CALN1: variants seen among roughly 807,000 people sequenced by gnomAD.
CALN1 encodes the protein calneuron 1.
Under a neutral mutation model 30.6 loss-of-function variants are expected in CALN1, and 17 were observed. The ratio of observed to expected loss-of-function variants is 0.56; its 90% CI spans 0.38 to 0.83. The LOEUF is 0.83. Ranked by LOEUF, CALN1 falls within the 40% of genes least tolerant of loss-of-function variation. The pLI is 0.00. For missense variants in CALN1, 291 were observed against 354.9 expected (o/e 0.82, Z 1.45); for synonymous variants, 156 against 131.4 (o/e 1.19, Z -1.28).
chr7:72,147,718 A>T (rs1263080754), intron 3 of CALN1, among the ~76,000 whole-genome samples: 5 of 151,754 alleles, frequency 3.3e-5, no homozygotes, highest in African/African-American at 9.7e-5. Flanking sequence ...ACAATGATAG[A>T]CTGGATTAAG....
chr7:72,136,689 T>C (rs184823877), intron 3 of CALN1, among the ~76,000 whole-genome samples: 2 of 152,342 alleles, frequency 1.3e-5, no homozygotes, highest in South Asian at 2.1e-4. Flanking sequence ...TTTCCAGTTT[T>C]TGATTTAAAG....
chr7:72,264,725 T>C lies in CALN1; in HGVS notation c.244+13961A>G, dbSNP rs1190813542. Among the ~76,000 whole-genome samples, 8 of 152,164 alleles carry C rather than the reference T, an allele frequency of 5.3e-5. No individual in the cohort carries two copies. The East Asian group carries it at 1.3e-3, about 26-fold the overall frequency. On this transcript the variant is annotated intron_variant, in intron 3 of 6. Transcript: ENST00000395275. Reference sequence around the variant, plus strand: ...TTTAGGGGTACACGTGCAGATTTGTTCCATAGGTAAACTTGTGTCATAGGG... The same window carrying C: ...TTTAGGGGTACACGTGCAGATTTGTCCCATAGGTAAACTTGTGTCATAGGG...
intron 3 of CALN1, among the ~76,000 whole-genome samples, chr7:72,150,421 G>C (rs1395342156): frequency 6.6e-6 from 1 of 152,194 alleles, no homozygotes; most frequent in African/African-American, 2.4e-5. Flanking sequence ...TAAACAAGAA[G>C]AATGTTTCAG....
intron 5 of CALN1, among the ~76,000 whole-genome samples, chr7:72,005,973 C>T (rs1185003040): frequency 6.6e-6 from 1 of 152,106 alleles, no homozygotes; most frequent in Non-Finnish European, 1.5e-5. Context: ...ACTCCGAAGA[C>T]TATTAGCAGT....
chr7:72,470,992 G>C, the CALN1 span, among the ~76,000 whole-genome samples: 1 of 152,302 alleles, frequency 6.6e-6, no homozygotes, highest in Admixed American at 6.5e-5. Context: ...GTCTTGCTCT[G>C]TGGCCCAGGC....
At chr7:71,795,792 T>C (rs1786866201) in intron 6 of CALN1, among the ~76,000 whole-genome samples, 1 of 151,514 alleles carries the variant, frequency 6.6e-6, no homozygotes, top group African/African-American at 2.4e-5. Context: ...CAGCTGTATG[T>C]AGCATTTACC....
In CALN1 at chr7:72,204,589, T is replaced by C. The variant is rs78012863; in HGVS notation, c.244+74097A>G. Among the ~76,000 whole-genome samples, 1,056 of 152,286 alleles carry C rather than the reference T, an allele frequency of 6.9e-3. 14 individuals are homozygous for C. Among genetic ancestry groups the C allele is most frequent in the African/African-American group, 0.024 (1,001 of 41,552 alleles). On this transcript the variant is annotated intron_variant, in intron 3 of 6. Transcript: ENST00000395275. The stretch of plus-strand genomic sequence containing the variant: ...TAAAATTTCCTGAGATCAAATCACT[T>C]TTCCACCATTTATTAGTCATGCAAT...
chr7:71,811,088 G>C (rs1406900520), intron 5 of CALN1, among the ~76,000 whole-genome samples: 2 of 150,820 alleles, frequency 1.3e-5, no homozygotes, highest in African/African-American at 4.9e-5. Flanking sequence ...GTAGAGACGG[G>C]GTTTCACCGT....
At chr7:72,410,216 AAG>A (rs1208163773) in intron 1 of CALN1, among the ~76,000 whole-genome samples, 2 of 152,180 alleles carry the variant, frequency 1.3e-5, no homozygotes, top group African/African-American at 2.4e-5. Flanking sequence ...TTAAATATGT[AAG>A]AGAGGTTGTC....
At chr7:72,498,897 C>T in the CALN1 span, among the ~76,000 whole-genome samples, 1 of 151,372 alleles carries the variant, frequency 6.6e-6, no homozygotes, top group South Asian at 2.1e-4. Context: ...ACTTATTTTG[C>T]AAAATATCAA....
intron 2 of CALN1, among the ~76,000 whole-genome samples, chr7:72,340,874 GCT>G (rs767965662): frequency 6.6e-6 from 1 of 151,678 alleles, no homozygotes; most frequent in Non-Finnish European, 1.5e-5. Context: ...CTTTCACTTG[GCT>G]CTCTCTCTCT....
intron 4 of CALN1, among the ~76,000 whole-genome samples, chr7:72,048,397 G>A (rs976658105): frequency 8.6e-5 from 13 of 151,940 alleles, no homozygotes; most frequent in Non-Finnish European, 1.5e-4. Context: ...TATAAGGGCC[G>A]CCATGTGTGA....
intron 6 of CALN1, among the ~76,000 whole-genome samples, chr7:71,795,201 T>A (rs1002544831): frequency 6.6e-6 from 1 of 152,126 alleles, no homozygotes; most frequent in African/African-American, 2.4e-5. Flanking sequence ...TTTGTATTTT[T>A]AGTAGAGACG....
intron 3 of CALN1, among the ~76,000 whole-genome samples, chr7:72,117,412 G>A (rs1042640850): frequency 3.3e-5 from 5 of 152,126 alleles, no homozygotes; most frequent in Non-Finnish European, 7.4e-5. Flanking sequence ...GGTCAGGCTG[G>A]ATTTGGTATG....
intron 3 of CALN1, among the ~76,000 whole-genome samples, chr7:72,131,590 C>T (rs1186838782): frequency 2.0e-5 from 3 of 152,272 alleles, no homozygotes; most frequent in South Asian, 2.1e-4. Context: ...TCAAGAAACC[C>T]AACACATGGG....
intron 6 of CALN1, among the ~76,000 whole-genome samples, chr7:71,789,332 G>A (rs1006331654): frequency 2.0e-5 from 3 of 152,118 alleles, no homozygotes; most frequent in Admixed American, 6.5e-5. Flanking sequence ...TAGGAGAATC[G>A]CTTGAACCCG....
At chr7:72,229,959 G>A (rs1042329578) in intron 3 of CALN1, among the ~76,000 whole-genome samples, 1 of 151,754 alleles carries the variant, frequency 6.6e-6, no homozygotes, top group Non-Finnish European at 1.5e-5. Context: ...TGGCTAACAG[G>A]GTGAAACCCC....
In CALN1 at chr7:72,365,708, G is replaced by C. The variant is rs184427180; in HGVS notation, c.119+37543C>G. Reference sequence around the variant, plus strand: ...AGCCTCCCAAAGTGCTGGGATTACAGGTGTGAGCAACTATGCCTGACCTAA... The same window carrying C: ...AGCCTCCCAAAGTGCTGGGATTACACGTGTGAGCAACTATGCCTGACCTAA... On this transcript the variant is annotated intron_variant, in intron 2 of 6. Coordinates refer to ENST00000395275, the MANE Select transcript of CALN1 (RefSeq NM_031468.4). Among the ~76,000 whole-genome samples the C allele has an allele frequency of 9.9e-5, 15 of 152,272 alleles. No homozygotes were observed. In the East Asian group the frequency reaches 2.9e-3, roughly 29 times the overall value.
intron 5 of CALN1, among the ~76,000 whole-genome samples, chr7:71,903,350 T>C (rs1009237312): frequency 3.3e-5 from 5 of 152,172 alleles, no homozygotes; most frequent in Middle Eastern, 6.8e-3. Context: ...GGCATAAAAA[T>C]AGACACATAG....
Sources: allele counts gnomAD v4.1 joint callset (sites outside exome capture counted in the v4.1 genomes callset), GRCh38; gene constraint gnomAD v4.1.1; transcripts MANE v1.5; gene names NCBI Gene and HGNC (gene_info 2026-07-23, HGNC 2026-07-21).